The following DAAM1 variants were observed in gnomAD, a reference collection of about 807,000 sequenced individuals.
DAAM1 encodes the protein dishevelled associated activator of morphogenesis 1.
In DAAM1, 52 loss-of-function variants were observed where a neutral mutation model predicts 130.0. The ratio of observed to expected loss-of-function variants is 0.40; its 90% confidence interval spans 0.32 to 0.50. The LOEUF (loss-of-function observed/expected upper bound fraction) is 0.50, where lower values mean the gene tolerates loss of function less well. DAAM1 is among the 20% of genes least tolerant of loss of function. The pLI is 0.61. For missense variants in DAAM1, 1,134 were observed against 1,303.8 expected, an observed-to-expected ratio of 0.87 and a Z score of 2.01; for synonymous variants, 452 against 444.5, an observed-to-expected ratio of 1.02 and a Z score of -0.21.
chr14:59,321,021 G>A (rs1278387196), intron 5 of DAAM1, among the ~76,000 whole-genome samples: 3 of 152,084 alleles, frequency 2.0e-5, no homozygotes, highest in Admixed American at 6.5e-5. Flanking sequence ...TGTTCATATC[G>A]GCATTATTCA....
chr14:59,311,505 T>C (rs961392873), intron 3 of DAAM1, among the ~76,000 whole-genome samples: 1 of 151,160 alleles, frequency 6.6e-6, no homozygotes, highest in Non-Finnish European at 1.5e-5. Context: ...GTAAAAATAG[T>C]GTATGTTCTT....
At chr14:59,213,798 G>A (rs1449781295) in intron 1 of DAAM1, among the ~76,000 whole-genome samples, 3 of 152,082 alleles carry the variant, frequency 2.0e-5, no homozygotes, top group Admixed American at 6.6e-5. Flanking sequence ...TGCTGCAGTC[G>A]GAAGACAGTT....
intron 15 of DAAM1, 88 bp from the exon 16 acceptor site, chr14:59,339,986 A>G: frequency 8.8e-7 from 1 of 1,139,162 alleles, no homozygotes; most frequent in South Asian, 1.3e-5. Context: ...GTGTATGTGT[A>G]TATGAACAAC....
At chr14:59,273,192 C>A (rs1008735) in intron 2 of DAAM1, among the ~76,000 whole-genome samples, 2 of 151,982 alleles carry the variant, frequency 1.3e-5, no homozygotes, top group East Asian at 3.9e-4. Context: ...GCTTAAGATA[C>A]GACCATAAAA....
At chr14:59,298,345 T>G (rs969750748) in intron 3 of DAAM1, among the ~76,000 whole-genome samples, 1 of 152,172 alleles carries the variant, frequency 6.6e-6, no homozygotes, top group African/African-American at 2.4e-5. Context: ...TCAATCTCTC[T>G]CTCTCATTGT....
chr14:59,227,073 T>C (rs1483653899), intron 1 of DAAM1, among the ~76,000 whole-genome samples: 1 of 152,196 alleles, frequency 6.6e-6, no homozygotes, highest in Non-Finnish European at 1.5e-5. Flanking sequence ...AACTGACTGT[T>C]TTGAATTAAA....
intron 3 of DAAM1, among the ~76,000 whole-genome samples, chr14:59,293,444 TGTA>T (rs1883831366): frequency 6.6e-6 from 1 of 152,176 alleles, no homozygotes; most frequent in South Asian, 2.1e-4. Flanking sequence ...GTTTGCTTCT[TGTA>T]GGAGGATGGA....
intron 8 of DAAM1, 63 bp downstream of exon 8, chr14:59,324,517 T>A: frequency 9.3e-7 from 1 of 1,073,064 alleles, no homozygotes; most frequent in Non-Finnish European, 1.3e-6. Context: ...ATGCAATACC[T>A]CATCAAGTGC....
In DAAM1 at chr14:59,363,689, A is replaced by G. The variant is rs1230839144; in HGVS notation, c.2733A>G (p.Gly911=). ...EYQKSQPPQP[G]DKFVSVVSQF... ...AGAAGTCTCAGCCCCCACAGCCCGGAGATAAGTTTGTGTCTGTTGTCAGCC... is the reference window on the plus strand; with the variant it reads ...AGAAGTCTCAGCCCCCACAGCCCGGGGATAAGTTTGTGTCTGTTGTCAGCC... Residue 911 remains glycine, a synonymous_variant, in exon 23 of 25, where the codon GGA becomes GGG. Transcript: ENST00000360909. 1 of 1,613,978 alleles carries G rather than the reference A, an allele frequency of 6.2e-7. No homozygotes were observed. The highest frequency in any genetic ancestry group is 1.3e-5 in the African/African-American group (1 of 74,908).
chr14:59,289,783 T>TAA (rs1555360759), intron 2 of DAAM1, among the ~76,000 whole-genome samples: 6 of 135,242 alleles, frequency 4.4e-5, no homozygotes, highest in Admixed American at 1.5e-4. Flanking sequence ...TATATATATA[T>TAA]AATGGAATGC....
chr14:59,214,459 C>T (rs748547909), intron 1 of DAAM1, among the ~76,000 whole-genome samples: 7 of 152,222 alleles, frequency 4.6e-5, no homozygotes, highest in Non-Finnish European at 7.3e-5. Context: ...AGATGTCTCA[C>T]TTTAGGCAAT....
intron 15 of DAAM1, among the ~76,000 whole-genome samples, chr14:59,337,709 T>G (rs1885681242): frequency 6.6e-6 from 1 of 152,206 alleles, no homozygotes; most frequent in Non-Finnish European, 1.5e-5. Flanking sequence ...CTGGGGCAGT[T>G]AGGACAGGGC....
Position 59,271,511 on chromosome 14 carries a change from A to G in DAAM1, c.183+7851A>G, listed in dbSNP as rs142292111. 3.6e-3 allele frequency among the ~76,000 whole-genome samples: 553 copies of G among 152,308 alleles called. 1 individual carries two copies. The highest frequency in any genetic ancestry group is 6.8e-3 in the Middle Eastern group (2 of 294). On this transcript the variant is annotated intron_variant, in intron 2 of 24. Transcript: ENST00000360909. ...GTAGAAATGAAAGAATTTAGATGAT[A>G]TATCAGATTTAGATAAATTCACAGT...
chr14:59,361,603 C>T (rs1886705816), intron 22 of DAAM1, among the ~76,000 whole-genome samples: 1 of 152,174 alleles, frequency 6.6e-6, no homozygotes, highest in African/African-American at 2.4e-5. Flanking sequence ...GCCCAGGCCT[C>T]TGAGGAAGGA....
At chr14:59,276,141 A>G (rs1252996) in intron 2 of DAAM1, among the ~76,000 whole-genome samples, 149,836 of 152,300 alleles carry the variant, frequency 0.98, 73,751 homozygotes, top group East Asian at 1. Context: ...TTATTCTCAG[A>G]GTCATTGCAG....
At chr14:59,336,480 A>C (rs1180423350) in intron 15 of DAAM1, among the ~76,000 whole-genome samples, 2 of 152,234 alleles carry the variant, frequency 1.3e-5, no homozygotes, top group Non-Finnish European at 2.9e-5. Context: ...ACCTACTTGA[A>C]ATAGGCCTGG....
intron 1 of DAAM1, among the ~76,000 whole-genome samples, chr14:59,262,165 T>C (rs1448284944): frequency 6.6e-6 from 1 of 152,240 alleles, no homozygotes; most frequent in East Asian, 1.9e-4. Flanking sequence ...AACATTTTTT[T>C]TCTTGCCTTT....
intron 3 of DAAM1, among the ~76,000 whole-genome samples, chr14:59,308,085 G>A (rs1027951476): frequency 2.6e-5 from 4 of 152,300 alleles, no homozygotes; most frequent in South Asian, 2.1e-4. Flanking sequence ...GAGAGTGAGA[G>A]CTTGTTCTTT....
chr14:59,279,492 A>G (rs1023137756), intron 2 of DAAM1, among the ~76,000 whole-genome samples: 2 of 152,110 alleles, frequency 1.3e-5, no homozygotes, highest in African/African-American at 4.8e-5. Context: ...CCAGCAGCCT[A>G]TCTAAATGAA....
Sources: gnomAD v4.1 joint callset for allele counts (sites outside exome capture counted in the v4.1 genomes callset) on GRCh38, gnomAD v4.1.1 for gene constraint, MANE v1.5 for transcripts, NCBI Gene and HGNC (gene_info 2026-07-23, HGNC 2026-07-21) for gene names.